The following HNF1B variants were observed in gnomAD, a reference collection of about 807,000 sequenced individuals.
HNF1B encodes hepatocyte nuclear factor 1-beta.
HNF1B carries 8 observed loss-of-function variants against 61.7 expected under a neutral mutation model. The ratio of observed to expected loss-of-function variants is 0.13; its 90% CI spans 0.08 to 0.23. The LOEUF (loss-of-function observed/expected upper bound fraction) is 0.23. HNF1B is among the 10% of genes least tolerant of loss of function. The pLI, the probability that HNF1B is intolerant of heterozygous loss-of-function variation, is 1.00. For synonymous variants in HNF1B, 314 were observed against 287.7 expected (o/e 1.09, Z -0.93); for missense variants, 562 against 714.5 (o/e 0.79, Z 2.43).
intron 8 of HNF1B, among the ~76,000 whole-genome samples, chr17:37,688,018 G>A (rs2032040045): frequency 6.6e-6 from 1 of 152,228 alleles, no homozygotes; most frequent in South Asian, 2.1e-4. Flanking sequence ...TCAGGAAGGA[G>A]CTTTGCAAAT....
chr17:37,692,704 C>T (rs1329328512), intron 8 of HNF1B, among the ~76,000 whole-genome samples: 1 of 152,120 alleles, frequency 6.6e-6, no homozygotes, highest in Non-Finnish European at 1.5e-5. Context: ...TTTGACAGGC[C>T]CTGAACTATT....
chr17:37,723,962 T>G (rs879869373), intron 4 of HNF1B, among the ~76,000 whole-genome samples: 1 of 152,114 alleles, frequency 6.6e-6, no homozygotes, highest in African/African-American at 2.4e-5. Context: ...AAAGTGAAGG[T>G]TGGAATTTGG....
intron 4 of HNF1B, among the ~76,000 whole-genome samples, chr17:37,724,619 T>A (rs1393218173): frequency 6.6e-6 from 1 of 152,220 alleles, no homozygotes; most frequent in African/African-American, 2.4e-5. Context: ...GAAATTTAAA[T>A]TTCAGTCCCC....
chr17:37,697,515 C>G (rs747717815), intron 8 of HNF1B, among the ~76,000 whole-genome samples: 1 of 152,152 alleles, frequency 6.6e-6, no homozygotes, highest in Non-Finnish European at 1.5e-5. Context: ...CAACAAGCAA[C>G]CATCAAAGTC....
Position 37,744,960 on chromosome 17 carries a change from G to A in HNF1B, c.-76C>T. On this transcript the variant is annotated 5_prime_UTR_variant, in exon 1 of 9. Transcript: ENST00000617811. ...AGGAGGGTGGAGGGGAGTTTCACAA[G>A]CAAACCCCAAATCCAGGAACCCCTC... The A allele has an allele frequency of 7.8e-7, 1 of 1,288,022 alleles. No homozygotes were observed. The highest frequency in any genetic ancestry group is 1.1e-6 in the Non-Finnish European group (1 of 910,706). 79.8% of individuals were successfully genotyped at this position (1,288,022 alleles called of 1,614,324 possible). A position where few individuals can be genotyped will look rare whatever the true frequency, so the allele number is the denominator to read the frequency against.
intron 8 of HNF1B, among the ~76,000 whole-genome samples, chr17:37,692,610 G>A (rs3110635): frequency 0.16 from 23,934 of 152,082 alleles, 2,408 homozygotes; most frequent in African/African-American, 0.29. Flanking sequence ...GCATTCATTC[G>A]TTCGTTCGTT....
intron 8 of HNF1B, among the ~76,000 whole-genome samples, chr17:37,691,068 A>G (rs1268808297): frequency 6.6e-6 from 1 of 152,204 alleles, no homozygotes; most frequent in Non-Finnish European, 1.5e-5. Context: ...TAGAAGAACC[A>G]GGAATGGTAG....
At chr17:37,707,612 A>G (rs902546223) in intron 5 of HNF1B, among the ~76,000 whole-genome samples, 2 of 152,194 alleles carry the variant, frequency 1.3e-5, no homozygotes, top group African/African-American at 4.8e-5. Context: ...TTCATAGAGA[A>G]GGATACTGAA....
At chr17:37,688,380 A>AACACACACACACACACAC (rs5820230) in intron 8 of HNF1B, among the ~76,000 whole-genome samples, 14 of 136,180 alleles carry the variant, frequency 1.0e-4, no homozygotes, top group Admixed American at 6.6e-4. Flanking sequence ...GATCCCCCCA[A>AACACACACACACACACAC]ACACACACAC....
chr17:37,729,851 C>CAAA (rs747681837), intron 4 of HNF1B: 1 of 151,406 alleles, frequency 6.6e-6, no homozygotes, highest in Non-Finnish European at 1.5e-5. Flanking sequence ...CAAATTCTAA[C>CAAA]ATTACAAGAT....
At chr17:37,713,234 A>C (rs1031450777) in intron 4 of HNF1B, among the ~76,000 whole-genome samples, 24 of 152,214 alleles carry the variant, frequency 1.6e-4, no homozygotes, top group Admixed American at 1.4e-3. Flanking sequence ...TTCAGTCTCA[A>C]GTCAAACAGT....
chr17:37,695,920 T>A (rs1004890238), intron 8 of HNF1B, among the ~76,000 whole-genome samples: 2 of 152,174 alleles, frequency 1.3e-5, no homozygotes, highest in East Asian at 3.8e-4. Flanking sequence ...TGTAATGAGT[T>A]AAGACTTTCA....
chr17:37,699,897 G>A (rs1259733498), intron 7 of HNF1B, among the ~76,000 whole-genome samples: 1 of 152,212 alleles, frequency 6.6e-6, no homozygotes, highest in Non-Finnish European at 1.5e-5. Context: ...CTTATCCGAT[G>A]CAGCTAGGGA....
intron 3 of HNF1B, among the ~76,000 whole-genome samples, chr17:37,732,893 C>G (rs1323107761): frequency 6.6e-6 from 1 of 151,018 alleles, no homozygotes; most frequent in African/African-American, 2.4e-5. Context: ...GTTGCCCAGG[C>G]TGGTCTCAAA....
intron 2 of HNF1B, among the ~76,000 whole-genome samples, chr17:37,738,477 T>G (rs149787420): frequency 2.0e-5 from 3 of 152,188 alleles, no homozygotes; most frequent in African/African-American, 7.2e-5. Context: ...TGGTGGAAAT[T>G]AACATCTTGA....
Position 37,720,025 on chromosome 17 carries a change from C to A in HNF1B, c.1046-9362G>T, listed in dbSNP as rs535979323. Among the ~76,000 whole-genome samples the A allele has an allele frequency of 1.7e-4, 26 of 152,250 alleles. No individual in the cohort carries two copies. In the South Asian group the frequency reaches 5.2e-3, roughly 30 times the overall value. The stretch of plus-strand genomic sequence containing the variant: ...ATCATGACAGATAGCTGCCGATCAC[C>A]GGCAGGCCCAAGGAGGCTCGTCCCA... On this transcript the variant is annotated intron_variant, in intron 4 of 8. Coordinates refer to ENST00000617811, the MANE Select transcript of HNF1B (RefSeq NM_000458.4).
At chr17:37,733,899 G>A (rs1046672722) in intron 2 of HNF1B, 78 bp from the exon 3 acceptor site, 17 of 1,486,694 alleles carry the variant, frequency 1.1e-5, no homozygotes, top group African/African-American at 4.1e-5. Flanking sequence ...GACAGACAAC[G>A]GACGAAGACA....
intron 4 of HNF1B, chr17:37,730,551 T>C (rs1212345791): frequency 6.6e-6 from 1 of 151,516 alleles, no homozygotes; most frequent in African/African-American, 2.4e-5. Flanking sequence ...ACCACCCAGC[T>C]GATGGCTCCG....
chr17:37,736,414 G>A (rs533966212), intron 2 of HNF1B, among the ~76,000 whole-genome samples: 3 of 152,224 alleles, frequency 2.0e-5, no homozygotes, highest in African/African-American at 7.2e-5. Context: ...TCTTACGACC[G>A]CTCCATGTGA....
Sources: gnomAD v4.1 joint callset for allele counts (sites outside exome capture counted in the v4.1 genomes callset) on GRCh38, gnomAD v4.1.1 for gene constraint, MANE v1.5 for transcripts, NCBI Gene and HGNC (gene_info 2026-07-23, HGNC 2026-07-21) for gene names.